SCP2: variants seen among roughly 807,000 people sequenced by gnomAD.
SCP2 encodes the protein SCP-2/3-oxoacyl-CoA thiolase.
Under a neutral mutation model 71.4 loss-of-function variants are expected in SCP2, and 48 were observed. The observed-to-expected ratio is 0.67, with a 90% CI of 0.53 to 0.86. The LOEUF (loss-of-function observed/expected upper bound fraction) is 0.86, where lower values mean the gene tolerates loss of function less well. SCP2 is among the 40% of genes least tolerant of loss of function. SCP2 has a pLI of 0.00. For synonymous variants in SCP2, 220 were observed against 218.1 expected, an observed-to-expected ratio of 1.01 and a Z score of -0.08; for missense variants, 560 against 655.6, an observed-to-expected ratio of 0.85 and a Z score of 1.59.
chr1:52,978,042 G>C (rs534239868), intron 8 of SCP2, among the ~76,000 whole-genome samples, 175 bp from the exon 9 acceptor site: 1 of 152,128 alleles, frequency 6.6e-6, no homozygotes, highest in African/African-American at 2.4e-5. Flanking sequence ...CTTGATAGAG[G>C]TTCAGTCCTC....
intron 13 of SCP2, among the ~76,000 whole-genome samples, chr1:53,037,314 T>C (rs1263840706): frequency 6.6e-6 from 1 of 152,192 alleles, no homozygotes; most frequent in African/African-American, 2.4e-5. Context: ...GTTGTCCTCC[T>C]TTTGTTATTC....
At chr1:53,045,584 G>A (rs1438993018) in intron 14 of SCP2, among the ~76,000 whole-genome samples, 2 of 152,076 alleles carry the variant, frequency 1.3e-5, no homozygotes, top group Admixed American at 1.3e-4. Context: ...ATAAAGTGCA[G>A]GTTTTGGGTA....
intron 11 of SCP2, chr1:52,995,677 G>C: frequency 1.4e-6 from 1 of 719,604 alleles, no homozygotes; most frequent in South Asian, 1.4e-5. Flanking sequence ...TCCATGAGCA[G>C]TTGCTCAACG....
In SCP2 at chr1:52,950,830, A is replaced by G. The variant is rs1431985029; in HGVS notation, c.275A>G (p.Asn92Ser). 1 of 1,613,996 alleles carries G rather than the reference A, an allele frequency of 6.2e-7. No individual in the cohort carries two copies. The change falls in exon 4 of 16, where the codon AAT becomes AGT. Residue 92 changes from asparagine (N) to serine (S), a missense_variant. Transcript: ENST00000371514. ...GGAATTCCTATAATCAATGTCAACA[A>G]TAACTGTGCTACTGGTTCTACTGCT... ...MTGIPIINVN[N>S]NCATGSTALF...
At chr1:53,030,477 G>A (rs1283608876) in intron 13 of SCP2, among the ~76,000 whole-genome samples, 1 of 152,018 alleles carries the variant, frequency 6.6e-6, no homozygotes, top group Non-Finnish European at 1.5e-5. Flanking sequence ...ATTCATGAGA[G>A]TGACTATTTT....
At chr1:52,934,030 T>G (rs1370955820) in intron 1 of SCP2, among the ~76,000 whole-genome samples, 2 of 152,262 alleles carry the variant, frequency 1.3e-5, no homozygotes, top group African/African-American at 4.8e-5. Context: ...AAAACATTGG[T>G]TAATTTTATT....
At chr1:52,981,098 ATTTTTGTATTT>A (rs1658449090) in intron 10 of SCP2, among the ~76,000 whole-genome samples, 1 of 151,950 alleles carries the variant, frequency 6.6e-6, no homozygotes, top group African/African-American at 2.4e-5. Flanking sequence ...CGCCCGGCTA[ATTTTTGTATTT>A]TTAGTAGAGA....
At chr1:53,027,902 T>A in intron 12 of SCP2, 67 bp from the exon 13 acceptor site, 1 of 878,252 alleles carries the variant, frequency 1.1e-6, no homozygotes, top group Non-Finnish European at 1.9e-6. Context: ...AAAATTACTA[T>A]TTTATAAATG....
At chr1:52,978,394 T>G in intron 9 of SCP2, 27 bp downstream of exon 9, 1 of 1,586,414 alleles carries the variant, frequency 6.3e-7, no homozygotes, top group South Asian at 1.1e-5. Flanking sequence ...ATTTGTTATT[T>G]TTATTTTTAA....
At position 53,050,514 on chromosome 1, in the gene SCP2, G is replaced by T. The variant is rs919348157; in HGVS notation, c.1549-95G>T. The T allele has an allele frequency of 8.7e-6, 7 of 803,676 alleles. No individual in the cohort carries two copies. The Admixed American group carries it at 1.1e-4, about 13-fold the overall frequency. 49.8% of individuals were successfully genotyped at this position (803,676 alleles called of 1,614,324 possible). On this transcript the variant is annotated intron_variant, in intron 15 of 15. Transcript: ENST00000371514. Reference sequence around the variant, plus strand: ...ATTTTAGAGAAAGTCATGTGACCTGGATAAATAAATGATCTCAGGGCTAGA... The same window carrying T: ...ATTTTAGAGAAAGTCATGTGACCTGTATAAATAAATGATCTCAGGGCTAGA...
At position 52,980,474 on chromosome 1, in the gene SCP2, A is replaced by G; in HGVS notation, c.904A>G (p.Ile302Val). The G allele has an allele frequency of 6.2e-7, 1 of 1,614,018 alleles. No individual in the cohort carries two copies. The highest frequency in any genetic ancestry group is 1.1e-5 in the South Asian group (1 of 91,082). ...CCTGACACCAAATGATATTGACGTA[A>G]TAGAACTTCACGATTGCTTTTCTAC... ...SGLTPNDIDV[I>V]ELHDCFSTNE... The change falls in exon 10 of 16, where the codon ATA (isoleucine) becomes GTA (valine). Residue 302 changes from isoleucine to valine, a missense_variant. Physicochemically the swap from Ile to Val is conservative, Grantham distance 29. Coordinates refer to ENST00000371514, the MANE Select transcript of SCP2 (RefSeq NM_002979.5).
intron 1 of SCP2, among the ~76,000 whole-genome samples, chr1:52,934,492 T>G (rs1653484584): frequency 6.6e-6 from 1 of 150,816 alleles, no homozygotes; most frequent in Non-Finnish European, 1.5e-5. Context: ...ATGGATCCAT[T>G]GAATGGATCA....
At chr1:52,997,972 G>T (rs1445298658) in intron 11 of SCP2, among the ~76,000 whole-genome samples, 1 of 152,166 alleles carries the variant, frequency 6.6e-6, no homozygotes, top group Non-Finnish European at 1.5e-5. Context: ...GCTGATCCTA[G>T]AACTTCATAT....
At chr1:53,041,262 G>T (rs530237548) in intron 14 of SCP2, among the ~76,000 whole-genome samples, 2 of 152,122 alleles carry the variant, frequency 1.3e-5, no homozygotes, top group South Asian at 4.2e-4. Flanking sequence ...AATTAGCTGG[G>T]TGTGTGGTGC....
In SCP2 at chr1:52,950,740, T is replaced by G; in HGVS notation, c.200-15T>G. 1 of 1,610,808 alleles carries G rather than the reference T, an allele frequency of 6.2e-7. No homozygotes were observed. Among genetic ancestry groups the G allele is most frequent in the African/African-American group, 1.3e-5 (1 of 74,960 alleles). On this transcript the variant is annotated splice_polypyrimidine_tract_variant and intron_variant, in intron 3 of 15. Coordinates refer to ENST00000371514, the MANE Select transcript of SCP2 (RefSeq NM_002979.5). Reference sequence around the variant, plus strand: ...CCATAATTCTCCATATTAAAATTTTTGTTTTTCTATTCAGGTGACTCTACC... The same window carrying G: ...CCATAATTCTCCATATTAAAATTTTGGTTTTTCTATTCAGGTGACTCTACC...
chr1:52,935,463 G>A (rs1197738666), intron 1 of SCP2, among the ~76,000 whole-genome samples: 1 of 149,638 alleles, frequency 6.7e-6, no homozygotes, highest in Admixed American at 6.7e-5. Flanking sequence ...GGTGGTGGAC[G>A]CCTGTAATCC....
At chr1:53,020,630 T>C (rs1431567409) in intron 12 of SCP2, among the ~76,000 whole-genome samples, 2 of 152,088 alleles carry the variant, frequency 1.3e-5, no homozygotes, top group Admixed American at 6.6e-5. Flanking sequence ...ATTATAAATA[T>C]TACTTAGGGG....
intron 6 of SCP2, among the ~76,000 whole-genome samples, chr1:52,965,367 T>C (rs1311908344): frequency 7.9e-5 from 12 of 152,220 alleles, no homozygotes; most frequent in Admixed American, 7.2e-4. Context: ...ATTAATCTTG[T>C]TAATTTAGGG....
Position 52,990,595 on chromosome 1 carries a change from G to A in SCP2, c.1081+2459G>A, listed in dbSNP as rs377126328. Among the ~76,000 whole-genome samples, 173 of 151,980 alleles carry A rather than the reference G, an allele frequency of 1.1e-3. 1 individual carries two copies. The highest frequency in any genetic ancestry group is 3.7e-3 in the African/African-American group (154 of 41,510). On this transcript the variant is annotated intron_variant, in intron 11 of 15. Transcript: ENST00000371514. ...TAAAAATACAAAAAGTTAGCCAGGCGTGGTGGCGGGCGCCTGCAGTCCCAG... is the reference window on the plus strand; with the variant it reads ...TAAAAATACAAAAAGTTAGCCAGGCATGGTGGCGGGCGCCTGCAGTCCCAG...
Sources: allele counts gnomAD v4.1 joint callset (sites outside exome capture counted in the v4.1 genomes callset), GRCh38; gene constraint gnomAD v4.1.1; transcripts MANE v1.5; gene names NCBI Gene and HGNC (gene_info 2026-07-23, HGNC 2026-07-21).